The following KCNH5 variants were observed in gnomAD, a reference collection of about 807,000 sequenced individuals.
KCNH5 encodes potassium voltage-gated channel subfamily H member 5, also known as voltage-gated delayed rectifier potassium channel KCNH5.
KCNH5 carries 46 observed loss-of-function variants against 96.1 expected under a neutral mutation model. That is an observed-to-expected ratio of 0.48 (90% CI 0.38 to 0.61). The LOEUF (loss-of-function observed/expected upper bound fraction) is 0.61. KCNH5 is among the 20% of genes least tolerant of loss of function. The probability of loss-of-function intolerance (pLI) is 0.00; values close to 1 mark genes in which losing one functional copy is unlikely to be tolerated. For synonymous variants in KCNH5, 439 were observed against 449.8 expected (o/e 0.98, Z 0.30); for missense variants, 907 against 1,225.8 (o/e 0.74, Z 3.88).
intron 5 of KCNH5, among the ~76,000 whole-genome samples, chr14:62,982,526 CAAATCATA>C (rs1001730374): frequency 5.9e-5 from 9 of 152,040 alleles, no homozygotes; most frequent in African/African-American, 2.2e-4. Context: ...TCAAAAAGGC[CAAATCATA>C]AAATCATAAA....
chr14:62,948,726 A>G (rs1405589830), intron 7 of KCNH5, among the ~76,000 whole-genome samples: 1 of 151,068 alleles, frequency 6.6e-6, no homozygotes, highest in Non-Finnish European at 1.5e-5. Flanking sequence ...TTTTAGACCA[A>G]TATCCTTGAT....
chr14:62,918,696 G>A (rs1006386407), intron 7 of KCNH5, among the ~76,000 whole-genome samples: 3 of 151,802 alleles, frequency 2.0e-5, no homozygotes, highest in Non-Finnish European at 4.4e-5. Context: ...GACAAGCAGA[G>A]GTATTTTTAA....
At chr14:63,044,291 C>T (rs1891880782) in intron 1 of KCNH5, among the ~76,000 whole-genome samples, 1 of 152,092 alleles carries the variant, frequency 6.6e-6, no homozygotes, top group South Asian at 2.1e-4. Flanking sequence ...AATATATAAC[C>T]ATTCCCATCC....
At chr14:62,751,135 G>A (rs1327560651) in intron 10 of KCNH5, among the ~76,000 whole-genome samples, 1 of 152,118 alleles carries the variant, frequency 6.6e-6, no homozygotes, top group East Asian at 1.9e-4. Flanking sequence ...AAAAGAGAAG[G>A]AGCAATTTCT....
intron 10 of KCNH5, among the ~76,000 whole-genome samples, chr14:62,736,236 A>G (rs1415619122): frequency 6.6e-6 from 1 of 152,160 alleles, no homozygotes; most frequent in Non-Finnish European, 1.5e-5. Flanking sequence ...GTAAGATGAA[A>G]ACAAGAGCAA....
At chr14:62,901,292 G>A in intron 7 of KCNH5, among the ~76,000 whole-genome samples, 1 of 151,790 alleles carries the variant, frequency 6.6e-6, no homozygotes, top group East Asian at 1.9e-4. Flanking sequence ...GGTATATTGT[G>A]TGATACTGAG....
At chr14:62,886,908 A>G (rs1888609466) in intron 7 of KCNH5, among the ~76,000 whole-genome samples, 2 of 152,228 alleles carry the variant, frequency 1.3e-5, no homozygotes. Flanking sequence ...TATGAATAGA[A>G]CCGGTAGTGA....
chr14:62,914,544 C>G (rs961819460), intron 7 of KCNH5, among the ~76,000 whole-genome samples: 2 of 152,102 alleles, frequency 1.3e-5, no homozygotes, highest in African/African-American at 4.8e-5. Flanking sequence ...GAATTTTCCA[C>G]TGGAAGAGAC....
intron 10 of KCNH5, among the ~76,000 whole-genome samples, chr14:62,759,200 T>A: frequency 6.6e-6 from 1 of 151,308 alleles, no homozygotes; most frequent in East Asian, 2.0e-4. Context: ...TGGTAAGATA[T>A]TAAATCTATC....
intron 4 of KCNH5, among the ~76,000 whole-genome samples, chr14:62,992,842 A>G (rs892369626): frequency 3.3e-5 from 5 of 151,828 alleles, no homozygotes; most frequent in African/African-American, 1.2e-4. Flanking sequence ...GTCTGTTTTC[A>G]TTTTTGTTGC....
At chr14:62,986,573 T>A (rs1051415057) in intron 5 of KCNH5, among the ~76,000 whole-genome samples, 8 of 152,124 alleles carry the variant, frequency 5.3e-5, no homozygotes, top group African/African-American at 1.7e-4. Flanking sequence ...AGCCCAGGTA[T>A]CATCTCACTC....
chr14:62,963,961 T>C lies in KCNH5; in HGVS notation c.943-13402A>G, dbSNP rs1177274039. On this transcript the variant is annotated intron_variant, in intron 6 of 10. Transcript: ENST00000322893. ...ATAATTTTCTAAAATATCCCTTTTTTCAACAATTTTAATGACCATATGTGA... is the reference window on the plus strand; with the variant it reads ...ATAATTTTCTAAAATATCCCTTTTTCCAACAATTTTAATGACCATATGTGA... Among the ~76,000 whole-genome samples the C allele has an allele frequency of 2.0e-5, 3 of 152,236 alleles. No homozygotes were observed. The East Asian group carries it at 5.8e-4, about 29-fold the overall frequency.
chr14:62,782,586 G>A (rs529879196), intron 9 of KCNH5, among the ~76,000 whole-genome samples: 27 of 152,182 alleles, frequency 1.8e-4, no homozygotes, highest in South Asian at 4.2e-4. Context: ...CAAGGCAGGC[G>A]GATCACGAGG....
intron 6 of KCNH5, among the ~76,000 whole-genome samples, chr14:62,954,752 A>G (rs1890069510): frequency 6.6e-6 from 1 of 152,104 alleles, no homozygotes; most frequent in Non-Finnish European, 1.5e-5. Flanking sequence ...GGTTTAATGG[A>G]CTCACAGTTC....
chr14:63,011,225 G>C (rs1266916136), intron 2 of KCNH5, among the ~76,000 whole-genome samples: 1 of 152,180 alleles, frequency 6.6e-6, no homozygotes, highest in African/African-American at 2.4e-5. Context: ...GCTCACGCCT[G>C]TAATCCCAGC....
At chr14:62,926,607 G>A (rs1181402020) in intron 7 of KCNH5, among the ~76,000 whole-genome samples, 1 of 152,070 alleles carries the variant, frequency 6.6e-6, no homozygotes, top group African/African-American at 2.4e-5. Context: ...GCATGGTCAG[G>A]CTCTGGTGAG....
At chr14:62,798,086 C>A (rs1288904331) in intron 9 of KCNH5, among the ~76,000 whole-genome samples, 1 of 152,096 alleles carries the variant, frequency 6.6e-6, no homozygotes, top group African/African-American at 2.4e-5. Context: ...GACTCTCTTT[C>A]GTATTAAGTT....
chr14:62,994,940 T>C (rs974912244), intron 4 of KCNH5, among the ~76,000 whole-genome samples: 7 of 152,266 alleles, frequency 4.6e-5, no homozygotes, highest in Non-Finnish European at 7.4e-5. Context: ...TCCATCATGG[T>C]ATAATTCAAA....
At chr14:62,759,573 A>ATATATATATATATATTTTTTTTTTTTTTT (rs1171935428) in intron 10 of KCNH5, among the ~76,000 whole-genome samples, 11 of 151,204 alleles carry the variant, frequency 7.3e-5, no homozygotes, top group Non-Finnish European at 8.9e-5. Flanking sequence ...CGTAGGGTAT[A>ATATATATATATATATTTTTTTTTTTTTTT]TTTTTTAATA....
Sources: gnomAD v4.1 joint callset for allele counts (sites outside exome capture counted in the v4.1 genomes callset) on GRCh38, gnomAD v4.1.1 for gene constraint, MANE v1.5 for transcripts, NCBI Gene and HGNC (gene_info 2026-07-23, HGNC 2026-07-21) for gene names.